The following SCN3A variants were observed in gnomAD, a reference collection of about 807,000 sequenced individuals.
The protein encoded by SCN3A is sodium voltage-gated channel alpha subunit 3.
A neutral mutation model predicts 187.6 loss-of-function variants in SCN3A; 60 were observed. The ratio of observed to expected loss-of-function variants is 0.32; its 90% CI spans 0.26 to 0.40. SCN3A has a LOEUF of 0.40. SCN3A is among the 10% of genes least tolerant of loss of function. The probability of loss-of-function intolerance (pLI) is 1.00; values close to 1 mark genes in which losing one functional copy is unlikely to be tolerated. For synonymous variants in SCN3A, 788 were observed against 829.2 expected (o/e 0.95, Z 0.85); for missense variants, 1,601 against 2,428.2 (o/e 0.66, Z 7.16).
intron 3 of SCN3A, among the ~76,000 whole-genome samples, chr2:165,174,760 A>T (rs1690343030): frequency 6.6e-6 from 1 of 152,156 alleles, no homozygotes; most frequent in Non-Finnish European, 1.5e-5. Flanking sequence ...ATTTTTCTTT[A>T]TCAATTCTAT....
At chr2:165,144,225 C>T (rs1299710568) in intron 12 of SCN3A, among the ~76,000 whole-genome samples, 1 of 152,126 alleles carries the variant, frequency 6.6e-6, no homozygotes, top group Non-Finnish European at 1.5e-5. Flanking sequence ...AAATTGTAAA[C>T]CGTTTATGGT....
At chr2:165,115,345 G>C (rs1049322830) in intron 19 of SCN3A, 110 bp downstream of exon 19, 14 of 1,444,824 alleles carry the variant, frequency 9.7e-6, no homozygotes, top group African/African-American at 1.4e-5. Flanking sequence ...GGGGTTACAG[G>C]CATAAGCCAC....
intron 1 of SCN3A, among the ~76,000 whole-genome samples, chr2:165,191,314 A>C (rs1684283835): frequency 6.6e-6 from 1 of 152,066 alleles, no homozygotes; most frequent in African/African-American, 2.4e-5. Context: ...CTTGCCTGTC[A>C]GAGTGATTTG....
At chr2:165,167,932 G>T (rs1689875726) in intron 5 of SCN3A, among the ~76,000 whole-genome samples, 1 of 152,072 alleles carries the variant, frequency 6.6e-6, no homozygotes, top group South Asian at 2.1e-4. Flanking sequence ...TTAAAATACA[G>T]AATGAAGCAT....
intron 12 of SCN3A, among the ~76,000 whole-genome samples, chr2:165,146,402 G>T (rs532017014): frequency 4.8e-5 from 7 of 145,392 alleles, no homozygotes; most frequent in Non-Finnish European, 1.1e-4. Context: ...GTGTGTGTGT[G>T]TGTGTGTGTG....
At chr2:165,129,106 T>C (rs1281432066) in intron 17 of SCN3A, among the ~76,000 whole-genome samples, 2 of 152,190 alleles carry the variant, frequency 1.3e-5, no homozygotes, top group East Asian at 3.9e-4. Flanking sequence ...AGAAAAAAAT[T>C]ACATGTTCGT....
intron 9 of SCN3A, among the ~76,000 whole-genome samples, chr2:165,161,803 A>C (rs1689414446): frequency 6.6e-6 from 1 of 152,208 alleles, no homozygotes; most frequent in South Asian, 2.1e-4. Context: ...CCTTTGGCAC[A>C]CATGCACCCT....
At chr2:165,172,603 T>C (rs972914584) in intron 3 of SCN3A, among the ~76,000 whole-genome samples, 6 of 152,188 alleles carry the variant, frequency 3.9e-5, no homozygotes, top group African/African-American at 1.4e-4. Context: ...CATGCTCTTT[T>C]GAAACAATTT....
At chr2:165,194,131 CAGA>C (rs565318658) in intron 1 of SCN3A, among the ~76,000 whole-genome samples, 5 of 152,200 alleles carry the variant, frequency 3.3e-5, no homozygotes, top group Admixed American at 2.6e-4. Context: ...GAGAGGAAAA[CAGA>C]AGGAGAGATA....
At chr2:165,116,943 A>ATTTTTT (rs11395597) in intron 18 of SCN3A, among the ~76,000 whole-genome samples, 1 of 118,194 alleles carries the variant, frequency 8.5e-6, no homozygotes, top group Non-Finnish European at 1.7e-5. Context: ...TGATAGCACA[A>ATTTTTT]TTTTTTTTTT....
intron 11 of SCN3A, among the ~76,000 whole-genome samples, chr2:165,148,431 A>G (rs930013913): frequency 6.6e-6 from 1 of 151,950 alleles, no homozygotes; most frequent in Admixed American, 6.6e-5. Flanking sequence ...CTTTGACAAC[A>G]CTTTGTGCTT....
At chr2:165,141,706 G>C (rs1688022863) in intron 12 of SCN3A, among the ~76,000 whole-genome samples, 1 of 152,112 alleles carries the variant, frequency 6.6e-6, no homozygotes, top group Non-Finnish European at 1.5e-5. Flanking sequence ...ATATGTCATA[G>C]CAAACACAAC....
chr2:165,120,894 C>T (rs948033566), intron 18 of SCN3A, among the ~76,000 whole-genome samples: 1 of 151,392 alleles, frequency 6.6e-6, no homozygotes, highest in Admixed American at 6.6e-5. Context: ...TGTACAACAT[C>T]CCCGGAGCTT....
In SCN3A at chr2:165,130,058, A is replaced by T; in HGVS notation, c.2804T>A (p.Ile935Asn). Residue 935 changes from isoleucine to asparagine, a missense_variant, in exon 17 of 28, where the codon ATT (isoleucine) becomes AAT (asparagine). By Grantham distance (149) the Ile-to-Asn change is moderately radical. Transcript: ENST00000283254. The stretch of plus-strand genomic sequence containing the variant: ...CTCTCCACACAGCACGCGGAACACA[A>T]TCAGGAAGGAGTGGAAGAAGTCGTT... ...HMNDFFHSFL[I>N]VFRVLCGEWI... 6.2e-7 allele frequency: 1 copy of T among 1,614,122 alleles called. No homozygotes were observed. Among genetic ancestry groups the T allele is most frequent in the Non-Finnish European group, 8.5e-7 (1 of 1,180,016 alleles).
Position 165,170,564 on chromosome 2 carries a change from C to A in SCN3A, c.265-16G>T, listed in dbSNP as rs138995363. 1 of 1,440,264 alleles carries A rather than the reference C, an allele frequency of 6.9e-7. No individual in the cohort carries two copies. Among genetic ancestry groups the A allele is most frequent in the Non-Finnish European group, 9.8e-7 (1 of 1,022,860 alleles). The allele number at this position is 1,440,264 out of a possible 1,614,324, so 89.2% of individuals were successfully genotyped here. On this transcript the variant is annotated splice_polypyrimidine_tract_variant and intron_variant, in intron 3 of 27. Transcript: ENST00000283254. ...CTATAAAAGTCTGAAAAAGAAAATA[C>A]GAGTAAAATTACTAAATTAGACATG...
At position 165,140,369 on chromosome 2, in the gene SCN3A, C is replaced by T. The variant is rs914277354; in HGVS notation, c.2019+282G>A. On this transcript the variant is annotated intron_variant, in intron 13 of 27. Transcript: ENST00000283254. The surrounding 1 kb of genome is among the most constrained non-coding windows in gnomAD (Gnocchi z 4.2). ...CCATTATTTGTCTCGGTAGGTCTAC[C>T]AAATTTGCAGATATGTATTTCATAG... Among the ~76,000 whole-genome samples, 3 of 151,092 alleles carry T rather than the reference C, an allele frequency of 2.0e-5. No homozygotes were observed. The highest frequency in any genetic ancestry group is 4.4e-5 in the Non-Finnish European group (3 of 67,768).
At chr2:165,128,447 G>A (rs1026096028) in intron 17 of SCN3A, among the ~76,000 whole-genome samples, 3 of 151,826 alleles carry the variant, frequency 2.0e-5, no homozygotes, top group African/African-American at 7.3e-5. Context: ...GAGAGAGAGA[G>A]AGAAAGATAC....
At chr2:165,112,579 T>A (rs1252988208) in intron 21 of SCN3A, among the ~76,000 whole-genome samples, 1 of 152,232 alleles carries the variant, frequency 6.6e-6, no homozygotes, top group African/African-American at 2.4e-5. Flanking sequence ...AGTGCTTACA[T>A]CTGTCAATTA....
chr2:165,177,861 A>C (rs1392190697), intron 2 of SCN3A, among the ~76,000 whole-genome samples: 2 of 152,224 alleles, frequency 1.3e-5, no homozygotes, highest in Non-Finnish European at 2.9e-5. Flanking sequence ...GATAGATAGA[A>C]TATAGAAACA....
Sources: gnomAD v4.1 joint callset for allele counts (sites outside exome capture counted in the v4.1 genomes callset) on GRCh38, gnomAD v4.1.1 for gene constraint, Gnocchi (gnomAD v3.1) non-coding constraint, MANE v1.5 for transcripts, NCBI Gene and HGNC (gene_info 2026-07-23, HGNC 2026-07-21) for gene names.